The following ATP1A3 variants were observed in gnomAD, a reference collection of about 807,000 sequenced individuals.
ATP1A3 encodes sodium/potassium-transporting ATPase subunit alpha-3.
ATP1A3 carries 12 observed loss-of-function variants against 108.8 expected under a neutral mutation model. The ratio of observed to expected loss-of-function variants is 0.11; its 90% confidence interval spans 0.07 to 0.18. ATP1A3 has a LOEUF of 0.18. ATP1A3 is among the 10% of genes least tolerant of loss of function. ATP1A3 has a pLI of 1.00. For missense variants in ATP1A3, 498 were observed against 1,387.7 expected (o/e 0.36, Z 10.19); for synonymous variants, 539 against 564.5 (o/e 0.95, Z 0.64).
At chr19:41,970,155 G>T in intron 18 of ATP1A3, 30 bp downstream of exon 18, 1 of 1,614,208 alleles carries the variant, frequency 6.2e-7, no homozygotes, top group South Asian at 1.1e-5. Flanking sequence ...GGCACTGGGT[G>T]GTAAGGAGAT....
Position 41,988,463 on chromosome 19 carries a change from G to C in ATP1A3, c.93+13C>G. 3 of 1,614,234 alleles carry C rather than the reference G, an allele frequency of 1.9e-6. No homozygotes were observed. The highest frequency in any genetic ancestry group is 2.5e-6 in the Non-Finnish European group (3 of 1,180,044). ...TTCTCTGGGAGGGTGTGCGGGCAGAGGGCGAGGCTTACCATAGCCACCTCC... is the reference window on the plus strand; with the variant it reads ...TTCTCTGGGAGGGTGTGCGGGCAGACGGCGAGGCTTACCATAGCCACCTCC... On this transcript the variant is annotated intron_variant, in intron 2 of 22. Transcript: ENST00000648268. The surrounding 1 kb of genome is among the most constrained non-coding windows in gnomAD (Gnocchi z 5.3).
intron 8 of ATP1A3, among the ~76,000 whole-genome samples, chr19:41,983,021 C>G (rs1024888759): frequency 6.6e-6 from 1 of 152,028 alleles, no homozygotes; most frequent in Non-Finnish European, 1.5e-5. Flanking sequence ...TAATCCTTTG[C>G]GTATAAAAAT....
intron 1 of ATP1A3, 113 bp downstream of exon 1, chr19:41,993,958 C>G (rs2075363968): frequency 6.5e-7 from 1 of 1,547,504 alleles, no homozygotes; most frequent in Non-Finnish European, 8.7e-7. Flanking sequence ...CCGGGTCTCG[C>G]AGGCCTGGCC....
At position 41,994,212 on chromosome 19, in the gene ATP1A3, G is replaced by A; in HGVS notation, c.-136C>T. ...CGCGCGTCCGTCCGTCCGTCCGTTG[G>A]TCCCACCGCACAGAGGCTGCGGCGG... On this transcript the variant is annotated 5_prime_UTR_variant, in exon 1 of 23. Coordinates refer to ENST00000648268, the MANE Select transcript of ATP1A3 (RefSeq NM_152296.5). 1.2e-6 allele frequency: 1 copy of A among 817,082 alleles called. No individual in the cohort carries two copies. Among genetic ancestry groups the A allele is most frequent in the African/African-American group, 1.8e-5 (1 of 54,730 alleles). 50.6% of individuals were successfully genotyped at this position (817,082 alleles called of 1,614,324 possible).
rs781954484 is a variant in ATP1A3, at chr19:41,967,803, C to T, written c.2820-40G>A. On this transcript the variant is annotated intron_variant, in intron 20 of 22. Transcript: ENST00000648268. This position sits in a 1 kb window ranked among gnomAD's most constrained non-coding sequence, Gnocchi z 4.2. The stretch of plus-strand genomic sequence containing the variant: ...GGGCAGGGCTGGGCCCAGAGAGCAC[C>T]CACCCTGCACCTGCCACCCCGCAGA... 16 of 1,582,776 alleles carry T rather than the reference C, an allele frequency of 1.0e-5. No homozygotes were observed. In the Admixed American group the frequency reaches 1.9e-4, roughly 19 times the overall value.
chr19:41,969,403 T>TGGGCAGAGA, intron 19 of ATP1A3, 32 bp downstream of exon 19: 2 of 1,613,912 alleles, frequency 1.2e-6, no homozygotes, highest in Non-Finnish European at 1.7e-6. Context: ...GATCTTACGG[T>TGGGCAGAGA]GGGCAGAGAC....
intron 8 of ATP1A3, 91 bp downstream of exon 8, chr19:41,984,827 C>T: frequency 6.9e-7 from 1 of 1,442,144 alleles, no homozygotes; most frequent in Non-Finnish European, 9.4e-7. Context: ...CCCTCAGACT[C>T]AGGGGTCCAG....
chr19:41,976,198 C>T (rs2075167143), intron 15 of ATP1A3, among the ~76,000 whole-genome samples: 1 of 148,030 alleles, frequency 6.8e-6, no homozygotes, highest in African/African-American at 2.5e-5. Context: ...TCCCTCATAC[C>T]CAGAAGTCCA....
In ATP1A3 at chr19:41,994,081, G is replaced by A. The variant is rs781975684; in HGVS notation, c.-5C>T. On this transcript the variant is annotated 5_prime_UTR_variant, in exon 1 of 23. Transcript: ENST00000648268. ...CGGCTCAGCACCTACCCCCATCTTG[G>A]CGGCTCCGCGGCGAGAGAGCCAGGC... is the stretch of plus-strand genomic sequence containing the variant. 9 of 1,596,886 alleles carry A rather than the reference G, an allele frequency of 5.6e-6. No individual in the cohort carries two copies. The highest frequency in any genetic ancestry group is 7.7e-6 in the Non-Finnish European group (9 of 1,174,312).
intron 16 of ATP1A3, among the ~76,000 whole-genome samples, chr19:41,973,597 C>T (rs1392511417): frequency 1.3e-5 from 2 of 152,192 alleles, no homozygotes; most frequent in African/African-American, 4.8e-5. Flanking sequence ...TTCAGAGAGG[C>T]CTTCCCTGTC....
rs2075068575 is a variant in ATP1A3, at chr19:41,968,532, C to T, written c.2819+253G>A. ...TCTAAATAAATAAATAAAAATTAGC[C>T]ATATATGATGGTGCACACCTGTAGT... On this transcript the variant is annotated intron_variant, in intron 20 of 22. Coordinates refer to ENST00000648268, the MANE Select transcript of ATP1A3 (RefSeq NM_152296.5). This position sits in a 1 kb window ranked among gnomAD's most constrained non-coding sequence, Gnocchi z 5.0. 1.3e-5 allele frequency among the ~76,000 whole-genome samples: 2 copies of T among 152,094 alleles called. No homozygotes were observed. Among genetic ancestry groups the T allele is most frequent in the South Asian group, 4.2e-4 (2 of 4,808 alleles).
At chr19:41,977,835 G>T in intron 14 of ATP1A3, 101 bp downstream of exon 14, 1 of 1,523,098 alleles carries the variant, frequency 6.6e-7, no homozygotes, top group Non-Finnish European at 8.9e-7. Context: ...GTCCCAGAAA[G>T]AATGGGACAG....
rs552179839 is a variant in ATP1A3 at position 41,990,077 on chromosome 19, C to T, written c.7-1515G>A. On this transcript the variant is annotated intron_variant, in intron 1 of 22. Coordinates refer to ENST00000648268, the MANE Select transcript of ATP1A3 (RefSeq NM_152296.5). ...AAGGATCAGTACTTTCTGTCTCTGTCTTTTTCCGTCTTTCGGTCTGTCTCT... is the reference window on the plus strand; with the variant it reads ...AAGGATCAGTACTTTCTGTCTCTGTTTTTTTCCGTCTTTCGGTCTGTCTCT... 3.3e-5 allele frequency among the ~76,000 whole-genome samples: 5 copies of T among 152,190 alleles called. No homozygotes were observed. The South Asian group carries it at 1.0e-3, about 32-fold the overall frequency.
At chr19:41,970,792 C>T (rs1051083673) in intron 16 of ATP1A3, among the ~76,000 whole-genome samples, 109 of 151,736 alleles carry the variant, frequency 7.2e-4, no homozygotes, top group Non-Finnish European at 6.2e-4. Flanking sequence ...CCACCACGCC[C>T]GGCTAATTTT....
chr19:41,986,273 A>T, intron 4 of ATP1A3, 44 bp from the exon 5 acceptor site: 1 of 1,589,652 alleles, frequency 6.3e-7, no homozygotes, highest in Middle Eastern at 1.7e-4. Context: ...CGCCCAAGCC[A>T]CTCTCCACCA....
rs1428607834 is a variant in ATP1A3, at chr19:41,978,521, G to A, written c.1630+85C>T. 1 of 1,565,396 alleles carries A rather than the reference G, an allele frequency of 6.4e-7. No homozygotes were observed. The highest frequency in any genetic ancestry group is 1.4e-5 in the African/African-American group (1 of 74,018). ...CATTCATTTACAGTATATTCTGGGA[G>A]GCCCTGGGCTGAGACAGGCTTTGGG... On this transcript the variant is annotated intron_variant, in intron 12 of 22. Transcript: ENST00000648268. The surrounding 1 kb of genome is among the most constrained non-coding windows in gnomAD (Gnocchi z 8.3).
intron 16 of ATP1A3, among the ~76,000 whole-genome samples, chr19:41,972,174 T>C (rs1599708893): frequency 6.6e-6 from 1 of 151,898 alleles, no homozygotes; most frequent in East Asian, 1.9e-4. Context: ...CATTTGAACC[T>C]CAGAGGCAGA....
intron 4 of ATP1A3, chr19:41,986,612 T>C (rs933745823): frequency 3.6e-6 from 1 of 275,538 alleles, no homozygotes. Flanking sequence ...TGGCTAATTT[T>C]GTGTATTTTT....
At chr19:41,991,360 G>C (rs1267028661) in intron 1 of ATP1A3, among the ~76,000 whole-genome samples, 3 of 152,196 alleles carry the variant, frequency 2.0e-5, no homozygotes, top group African/African-American at 7.2e-5. Context: ...GGGTGCAGGG[G>C]GTGGGAGGGA....
Sources: gnomAD v4.1 joint callset for allele counts (sites outside exome capture counted in the v4.1 genomes callset) on GRCh38, gnomAD v4.1.1 for gene constraint, Gnocchi (gnomAD v3.1) non-coding constraint, MANE v1.5 for transcripts, NCBI Gene and HGNC (gene_info 2026-07-23, HGNC 2026-07-21) for gene names.